RUBCN: variants seen among roughly 807,000 people sequenced by gnomAD.
RUBCN encodes run domain Beclin-1-interacting and cysteine-rich domain-containing protein.
Under a neutral mutation model 113.2 loss-of-function variants are expected in RUBCN, and 74 were observed. The ratio of observed to expected loss-of-function variants is 0.65; its 90% CI spans 0.54 to 0.79. RUBCN has a LOEUF of 0.79. Ranked by LOEUF, RUBCN falls within the 30% of genes least tolerant of loss-of-function variation. The probability of loss-of-function intolerance (pLI) is 0.00; values close to 1 mark genes in which losing one functional copy is unlikely to be tolerated. For missense variants in RUBCN, 1,109 were observed against 1,251.7 expected (o/e 0.89, Z 1.72); for synonymous variants, 480 against 490.0 (o/e 0.98, Z 0.27).
chr3:197,701,174 G>C, intron 6 of RUBCN, 28 bp from the exon 7 acceptor site: 1 of 1,498,004 alleles, frequency 6.7e-7, no homozygotes, highest in Middle Eastern at 1.9e-4. Context: ...ATGGTAAGGG[G>C]AGCAAGGGTG....
At position 197,695,964 on chromosome 3, in the gene RUBCN, A is replaced by G; in HGVS notation, c.1375T>C (p.Cys459Arg). 1 of 1,614,174 alleles carries G rather than the reference A, an allele frequency of 6.2e-7. No individual in the cohort carries two copies. The highest frequency in any genetic ancestry group is 8.5e-7 in the Non-Finnish European group (1 of 1,180,018). Residue 459 changes from cysteine to arginine, a missense_variant, in exon 9 of 20, where the codon TGC becomes CGC. By Grantham distance (180) the Cys-to-Arg change is radical. Around this residue, in one of 3 missense-constraint regions of RUBCN, gnomAD observed 736 missense variants for 779.6 expected, o/e 0.94. Transcript: ENST00000296343. ...CTTCGGAACATGCCTTCCCCTGAGC[A>G]CAGGTACCGACCACCTTCTGTGGGA... is the stretch of plus-strand genomic sequence containing the variant. ...YMEYEGGRYLCSGEGMFRRPS... is the reference protein window; with the variant it reads ...YMEYEGGRYLRSGEGMFRRPS...
rs910952084 is a variant in RUBCN at position 197,674,091 on chromosome 3, G to A, written c.*927C>T. On this transcript the variant is annotated 3_prime_UTR_variant, in exon 20 of 20. Transcript: ENST00000296343. ...GACACGCTAAGAAGATGGTGGGTGA[G>A]GTTCCTGTCCTCACCTTAGGATGGC... 1 of 152,304 alleles carries A rather than the reference G, an allele frequency of 6.6e-6. No individual in the cohort carries two copies. 9.4% of individuals were successfully genotyped at this position (152,304 alleles called of 1,614,324 possible).
chr3:197,718,171 C>G (rs774620896), intron 1 of RUBCN, 41 bp from the exon 2 acceptor site: 1 of 1,611,458 alleles, frequency 6.2e-7, no homozygotes, highest in Admixed American at 1.7e-5. Flanking sequence ...GTTACCTTTG[C>G]TGTACTTGAT....
At chr3:197,682,395 T>C in intron 14 of RUBCN, 75 bp downstream of exon 14, 1 of 1,560,874 alleles carries the variant, frequency 6.4e-7, no homozygotes, top group Non-Finnish European at 8.8e-7. Context: ...CAGGGACAAG[T>C]GGGTGAGACG....
At position 197,736,791 on chromosome 3, in the gene RUBCN, C is replaced by A; in HGVS notation, c.-72G>T. 6.7e-7 allele frequency: 1 copy of A among 1,483,768 alleles called. No individual in the cohort carries two copies. The allele number at this position is 1,483,768 out of a possible 1,614,324, so 91.9% of individuals were successfully genotyped here. A position where few individuals can be genotyped will look rare whatever the true frequency, so the allele number is the denominator to read the frequency against. On this transcript the variant is annotated 5_prime_UTR_variant, in exon 1 of 20. Transcript: ENST00000296343. Reference sequence around the variant, plus strand: ...GCTTCGCCCTTCAGGGCTCCCGGGGCCCCCTGGGGCCGGAGGAGGCACCTG... The same window carrying A: ...GCTTCGCCCTTCAGGGCTCCCGGGGACCCCTGGGGCCGGAGGAGGCACCTG...
intron 9 of RUBCN, 38 bp downstream of exon 9, chr3:197,695,828 C>T: frequency 6.3e-7 from 1 of 1,581,060 alleles, no homozygotes; most frequent in Non-Finnish European, 8.7e-7. Context: ...CCCAATCTCC[C>T]AACTCATGAG....
rs1423123912 is a variant in RUBCN, at chr3:197,670,270, T to C, written c.*4748A>G. Among the ~76,000 whole-genome samples, 8 of 152,248 alleles carry C rather than the reference T, an allele frequency of 5.3e-5. 1 individual carries two copies. Among genetic ancestry groups the C allele is most frequent in the African/African-American group, 1.7e-4 (7 of 41,470 alleles). ...ATTAACTTTTTACTTTCATAAATTA[T>C]GCTGCAGTAAACATCTTTAAACAAT... is the stretch of plus-strand genomic sequence containing the variant. On this transcript the variant is annotated 3_prime_UTR_variant, in exon 20 of 20. Coordinates refer to ENST00000296343, the MANE Select transcript of RUBCN (RefSeq NM_014687.4).
intron 1 of RUBCN, among the ~76,000 whole-genome samples, chr3:197,746,610 ACT>A (rs1339540084): frequency 2.0e-5 from 3 of 152,146 alleles, no homozygotes; most frequent in Non-Finnish European, 2.9e-5. Context: ...AAAAAAAATC[ACT>A]GTTTATCTGA....
In RUBCN at chr3:197,674,949, C is replaced by T; in HGVS notation, c.*69G>A. 6.9e-7 allele frequency: 1 copy of T among 1,440,246 alleles called. No individual in the cohort carries two copies. The highest frequency in any genetic ancestry group is 2.3e-5 in the East Asian group (1 of 43,140). The allele number at this position is 1,440,246 out of a possible 1,614,324, so 89.2% of individuals were successfully genotyped here. A position where few individuals can be genotyped will look rare whatever the true frequency, so the allele number is the denominator to read the frequency against. ...AAAAGAAGCCCCAGGTGGGGCGAGT[C>T]CTTCAAAGAGTGGCTCAGTTCTGCA... On this transcript the variant is annotated 3_prime_UTR_variant, in exon 20 of 20. Coordinates refer to ENST00000296343, the MANE Select transcript of RUBCN (RefSeq NM_014687.4).
Position 197,704,614 on chromosome 3 carries a change from G to A in RUBCN, c.391C>T (p.Gln131Ter). 6.2e-7 allele frequency: 1 copy of A among 1,614,114 alleles called. No individual in the cohort carries two copies. The highest frequency in any genetic ancestry group is 1.1e-5 in the South Asian group (1 of 91,080). ...AGCTGGGCTGAGAGGCAGTGGTACT[G>A]CAGGCTGTGCTGCAGCCACAGCTCG... ...VAELWLQHSL[Q>*]YHCLSAQLRP... is the part of the protein sequence containing the mutation. Residue 131 changes from glutamine (Q) to a stop codon, truncating the protein, a stop_gained, in exon 4 of 20, where the codon CAG becomes TAG. Transcript: ENST00000296343. LOFTEE classifies it high-confidence loss of function.
rs145187833 is a variant in RUBCN, at chr3:197,694,811, A to G, written c.1474-226T>C. ...CTGTCCCTTCCTGTCTCATTTCTAC[A>G]TAAAAATATGATAGAGAAGAGGCCC... On this transcript the variant is annotated intron_variant, in intron 9 of 19. Transcript: ENST00000296343. Among the ~76,000 whole-genome samples the G allele has an allele frequency of 3.0e-3, 463 of 152,292 alleles. 1 individual carries two copies. Among genetic ancestry groups the G allele is most frequent in the African/African-American group, 8.5e-3 (352 of 41,554 alleles).
intron 12 of RUBCN, 48 bp downstream of exon 12, chr3:197,684,109 A>C: frequency 2.1e-6 from 3 of 1,436,986 alleles, no homozygotes; most frequent in Non-Finnish European, 2.9e-6. Flanking sequence ...GTTTCTCTAC[A>C]TATCCTAAGG....
intron 17 of RUBCN, 61 bp from the exon 18 acceptor site, chr3:197,677,099 G>C: frequency 2.6e-6 from 4 of 1,532,346 alleles, no homozygotes; most frequent in Non-Finnish European, 3.6e-6. Flanking sequence ...CATCGTAGTA[G>C]AAGGATCCCT....
rs1394373305 is a variant in RUBCN, at chr3:197,722,307, T to C, written c.66-4177A>G. ...CAGTTTTTAAAAGTTTGTTGAGACC[T>C]GTTTTGTGGCCTACCATATGATATC... On this transcript the variant is annotated intron_variant, in intron 1 of 19. Transcript: ENST00000296343. 2.0e-5 allele frequency among the ~76,000 whole-genome samples: 3 copies of C among 151,990 alleles called. No homozygotes were observed. The East Asian group carries it at 5.8e-4, about 29-fold the overall frequency.
At chr3:197,677,772 C>T (rs371942265) in intron 16 of RUBCN, among the ~76,000 whole-genome samples, 11 of 148,758 alleles carry the variant, frequency 7.4e-5, no homozygotes, top group East Asian at 2.0e-4. Context: ...GACTGTCCTA[C>T]GCTCTAACTC....
At position 197,672,076 on chromosome 3, in the gene RUBCN, C is replaced by T. The variant is rs1430158303; in HGVS notation, c.*2942G>A. The T allele has an allele frequency of 6.6e-6, 1 of 152,248 alleles. No individual in the cohort carries two copies. The highest frequency in any genetic ancestry group is 1.5e-5 in the Non-Finnish European group (1 of 68,050). The allele number at this position is 152,248 out of a possible 1,614,324, so 9.4% of individuals were successfully genotyped here. A position where few individuals can be genotyped will look rare whatever the true frequency, so the allele number is the denominator to read the frequency against. Reference sequence around the variant, plus strand: ...CACCACAGCAGGTGGAAACGCAGTTCAGAGCACGGGCGGCACACACGGAAC... The same window carrying T: ...CACCACAGCAGGTGGAAACGCAGTTTAGAGCACGGGCGGCACACACGGAAC... On this transcript the variant is annotated 3_prime_UTR_variant, in exon 20 of 20. Transcript: ENST00000296343.
upstream of RUBCN, among the ~76,000 whole-genome samples, chr3:197,738,280 G>T (rs1213432388): frequency 3.3e-5 from 5 of 152,158 alleles, no homozygotes; most frequent in Non-Finnish European, 1.5e-5. Flanking sequence ...CAATGTGAAG[G>T]CAACAGAATC....
intron 11 of RUBCN, among the ~76,000 whole-genome samples, chr3:197,687,443 C>T (rs1721974365): frequency 6.6e-6 from 1 of 152,184 alleles, no homozygotes; most frequent in South Asian, 2.1e-4. Flanking sequence ...CTTGTTTTTG[C>T]CTGCTCTGCA....
In RUBCN at chr3:197,718,513, G is replaced by A. The variant is rs117449749; in HGVS notation, c.66-383C>T. 2.7e-3 allele frequency among the ~76,000 whole-genome samples: 418 copies of A among 152,284 alleles called. 4 individuals are homozygous for A. The highest frequency in any genetic ancestry group is 0.026 in the East Asian group (136 of 5,186). On this transcript the variant is annotated intron_variant, in intron 1 of 19. Coordinates refer to ENST00000296343, the MANE Select transcript of RUBCN (RefSeq NM_014687.4). The stretch of plus-strand genomic sequence containing the variant: ...CACCCAGGCTGAAGTGTGGTGGCAT[G>A]ATCACAGCTCACTGTAGCCTCAACC...
Sources: gnomAD v4.1 joint callset for allele counts (sites outside exome capture counted in the v4.1 genomes callset) on GRCh38, gnomAD v4.1.1 for gene constraint, gnomAD v4.1.1 regional missense constraint, MANE v1.5 for transcripts, NCBI Gene and HGNC (gene_info 2026-07-23, HGNC 2026-07-21) for gene names.